The following MYO16 variants were observed in gnomAD, a reference collection of about 807,000 sequenced individuals.
The protein encoded by MYO16 is unconventional myosin-XVI.
A neutral mutation model predicts 205.3 loss-of-function variants in MYO16; 94 were observed. The observed-to-expected ratio is 0.46, with a 90% CI of 0.39 to 0.54. The LOEUF (loss-of-function observed/expected upper bound fraction) is 0.54. Among genes scored for constraint, MYO16 ranks in the 20% least tolerant of loss-of-function variants. The pLI is 0.00. For synonymous variants in MYO16, 988 were observed against 954.0 expected (o/e 1.04, Z -0.66); for missense variants, 2,315 against 2,387.5 (o/e 0.97, Z 0.63).
intron 1 of MYO16, among the ~76,000 whole-genome samples, chr13:108,638,701 C>T (rs1880367568): frequency 6.6e-6 from 1 of 152,148 alleles, no homozygotes; most frequent in Non-Finnish European, 1.5e-5. Flanking sequence ...TTCTGCTATG[C>T]ACTCAGTTTA....
chr13:109,154,394 C>T (rs1594135074), intron 32 of MYO16, among the ~76,000 whole-genome samples: 1 of 152,334 alleles, frequency 6.6e-6, no homozygotes, highest in East Asian at 1.9e-4. Flanking sequence ...GTCGATGACT[C>T]ATGCTCGTTC....
chr13:108,852,826 T>C (rs773917383), intron 10 of MYO16, among the ~76,000 whole-genome samples: 2 of 152,190 alleles, frequency 1.3e-5, no homozygotes, highest in Non-Finnish European at 2.9e-5. Flanking sequence ...TTATGAAGTA[T>C]AGACTATGTT....
intron 9 of MYO16, among the ~76,000 whole-genome samples, chr13:108,824,751 C>G (rs1876164076): frequency 6.6e-6 from 1 of 151,668 alleles, no homozygotes; most frequent in South Asian, 2.1e-4. Flanking sequence ...TTTACAGAAA[C>G]AAAAATAATT....
the MYO16 span, among the ~76,000 whole-genome samples, chr13:108,527,431 A>T: frequency 2.0e-5 from 3 of 152,192 alleles, no homozygotes; most frequent in African/African-American, 7.2e-5. Context: ...CCCCATATCA[A>T]CAGCCTCCAA....
chr13:108,500,028 T>G, the MYO16 span, among the ~76,000 whole-genome samples: 2 of 151,250 alleles, frequency 1.3e-5, no homozygotes, highest in Non-Finnish European at 2.9e-5. Flanking sequence ...TTCCTTTCTT[T>G]CCTGTGGTCT....
chr13:109,009,037 C>CT lies in MYO16; in HGVS notation c.2591dup (p.Gln865ProfsTer12), dbSNP rs761471964. 3.2e-5 allele frequency: 50 copies of CT among 1,585,990 alleles called. No individual in the cohort carries two copies. Among genetic ancestry groups the CT allele is most frequent in the Middle Eastern group, 1.7e-4 (1 of 5,976 alleles). Reference sequence around the variant, plus strand: ...CTGGTAACCAGAATGGAGTTTTGGACTTTTTTTTCCAGGTATTCATATAAT... The same window carrying CT: ...CTGGTAACCAGAATGGAGTTTTGGACTTTTTTTTTCCAGGTATTCATATAAT... On this transcript the variant is annotated frameshift_variant, in exon 22 of 35. Transcript: ENST00000457511. LOFTEE classifies it high-confidence loss of function.
chr13:108,915,837 T>C (rs1008360771), intron 16 of MYO16, among the ~76,000 whole-genome samples: 20 of 152,178 alleles, frequency 1.3e-4, no homozygotes. Flanking sequence ...ACTCAGAGCA[T>C]GTGACCTGTT....
intron 1 of MYO16, among the ~76,000 whole-genome samples, chr13:108,605,717 T>C (rs950597177): frequency 2.6e-5 from 4 of 152,146 alleles, no homozygotes; most frequent in South Asian, 4.1e-4. Context: ...AATTTCCCAG[T>C]TTGGGGTATT....
the MYO16 span, among the ~76,000 whole-genome samples, chr13:108,551,807 T>C: frequency 6.6e-6 from 1 of 152,142 alleles, no homozygotes; most frequent in African/African-American, 2.4e-5. Flanking sequence ...GTTCCTGTGG[T>C]TTTCTCATGG....
At chr13:108,672,357 T>G (rs563557685) in intron 2 of MYO16, among the ~76,000 whole-genome samples, 1 of 152,318 alleles carries the variant, frequency 6.6e-6, no homozygotes, top group South Asian at 2.1e-4. Flanking sequence ...TTTAAATTAT[T>G]GTTTAAACTT....
the MYO16 span, among the ~76,000 whole-genome samples, chr13:108,531,208 G>A: frequency 4.3e-4 from 66 of 152,276 alleles, no homozygotes; most frequent in African/African-American, 1.6e-3. Flanking sequence ...GAGTATGCAG[G>A]GCTTTGAAGC....
chr13:109,130,628 A>T (rs1052738999), intron 31 of MYO16, among the ~76,000 whole-genome samples: 2 of 152,210 alleles, frequency 1.3e-5, no homozygotes, highest in Non-Finnish European at 2.9e-5. Flanking sequence ...CTGGGTTTGT[A>T]ATCCATGATC....
intron 34 of MYO16, among the ~76,000 whole-genome samples, chr13:109,187,956 C>T (rs72658216): frequency 0.11 from 16,178 of 152,192 alleles, 1,182 homozygotes; most frequent in Middle Eastern, 0.18. Context: ...CAGAAGTCTC[C>T]AACTATACTG....
intron 10 of MYO16, among the ~76,000 whole-genome samples, chr13:108,852,241 G>A (rs989980085): frequency 6.6e-6 from 1 of 152,130 alleles, no homozygotes; most frequent in Non-Finnish European, 1.5e-5. Context: ...CCCCCAGTAG[G>A]GGAAGTCACA....
At chr13:108,725,303 T>C (rs1884301584) in intron 3 of MYO16, among the ~76,000 whole-genome samples, 1 of 152,224 alleles carries the variant, frequency 6.6e-6, no homozygotes, top group African/African-American at 2.4e-5. Context: ...CTGTTCATTG[T>C]GGATCCTATT....
intron 22 of MYO16, among the ~76,000 whole-genome samples, chr13:109,018,407 A>G (rs1280880220): frequency 6.6e-6 from 1 of 152,130 alleles, no homozygotes; most frequent in African/African-American, 2.4e-5. Context: ...GTCGGCCCCT[A>G]CTGGGAGGTG....
At position 109,206,818 on chromosome 13, in the gene MYO16, C is replaced by T. The variant is rs202084297; in HGVS notation, c.5625C>T (p.Leu1875=). The change falls in exon 35 of 35, where the codon CTC becomes CTT. Residue 1875 remains leucine, a synonymous_variant. Coordinates refer to ENST00000457511, the MANE Select transcript of MYO16 (RefSeq NM_001198950.3). ...CCTGCAACAGGCTGCCGTCTGAGCT[C>T]TGGGACACCACCATTTGATGTGGCC... is the stretch of plus-strand genomic sequence containing the variant. ...GASCNRLPSE[L]WDTTI is the part of the protein sequence containing the mutation. 3 of 1,614,078 alleles carry T rather than the reference C, an allele frequency of 1.9e-6. No individual in the cohort carries two copies. The highest frequency in any genetic ancestry group is 2.5e-6 in the Non-Finnish European group (3 of 1,179,972).
intron 13 of MYO16, chr13:108,886,530 C>A (rs1421282239): frequency 6.6e-6 from 3 of 455,356 alleles, no homozygotes; most frequent in African/African-American, 2.0e-5. Flanking sequence ...AAGCAGGGTG[C>A]CTGGTGCCCC....
chr13:108,558,433 C>T, the MYO16 span, among the ~76,000 whole-genome samples: 1 of 152,222 alleles, frequency 6.6e-6, no homozygotes, highest in Non-Finnish European at 1.5e-5. Flanking sequence ...TGATGACTGA[C>T]AGTTGAGTGT....
Sources: gnomAD v4.1 joint callset for allele counts (sites outside exome capture counted in the v4.1 genomes callset) on GRCh38, gnomAD v4.1.1 for gene constraint, MANE v1.5 for transcripts, NCBI Gene and HGNC (gene_info 2026-07-23, HGNC 2026-07-21) for gene names.